Variants in BCKDHB observed in about 807,000 individuals in gnomAD.
BCKDHB encodes 2-oxoisovalerate dehydrogenase subunit beta, mitochondrial.
In BCKDHB, 41 loss-of-function variants were observed where a neutral mutation model predicts 48.5. That is an observed-to-expected ratio of 0.85 (90% confidence interval 0.66 to 1.10). BCKDHB has a LOEUF of 1.10. Ranked by LOEUF, BCKDHB falls within the 50% of genes least tolerant of loss-of-function variation. BCKDHB has a pLI of 0.00. For missense variants in BCKDHB, 496 were observed against 494.2 expected (o/e 1.00, Z -0.03); for synonymous variants, 201 against 174.8 (o/e 1.15, Z -1.18).
At chr6:80,260,372 A>G (rs1031116869) in intron 8 of BCKDHB, among the ~76,000 whole-genome samples, 6 of 152,164 alleles carry the variant, frequency 3.9e-5, no homozygotes, top group South Asian at 2.1e-4. Flanking sequence ...GATTTCTCCT[A>G]TGAGGGACTA....
chr6:80,373,466 A>G, the BCKDHB span, among the ~76,000 whole-genome samples: 1 of 151,912 alleles, frequency 6.6e-6, no homozygotes, highest in Non-Finnish European at 1.5e-5. Flanking sequence ...TAGTTCTTCT[A>G]GGCTCTTTGT....
At chr6:80,254,632 C>G (rs1336457118) in intron 8 of BCKDHB, among the ~76,000 whole-genome samples, 1 of 152,034 alleles carries the variant, frequency 6.6e-6, no homozygotes, top group Admixed American at 6.6e-5. Flanking sequence ...CCCAGGAGTT[C>G]GAGGTTACAA....
the BCKDHB span, among the ~76,000 whole-genome samples, chr6:80,466,221 A>G: frequency 6.6e-6 from 1 of 152,140 alleles, no homozygotes; most frequent in Non-Finnish European, 1.5e-5. Context: ...GGTATATTAT[A>G]TGTATACCCC....
chr6:80,153,528 G>A (rs951343882), intron 3 of BCKDHB, among the ~76,000 whole-genome samples: 4 of 152,094 alleles, frequency 2.6e-5, no homozygotes, highest in African/African-American at 9.7e-5. Flanking sequence ...ACCATGCAAC[G>A]TCCTCAGTAC....
At chr6:80,367,750 T>G in the BCKDHB span, among the ~76,000 whole-genome samples, 1 of 152,190 alleles carries the variant, frequency 6.6e-6, no homozygotes, top group Non-Finnish European at 1.5e-5. Flanking sequence ...TCATATTGAG[T>G]CTTGCTGAAC....
At chr6:80,163,967 G>T (rs940296280) in intron 3 of BCKDHB, among the ~76,000 whole-genome samples, 1 of 152,156 alleles carries the variant, frequency 6.6e-6, no homozygotes, top group Admixed American at 6.5e-5. Flanking sequence ...ATTATGCATT[G>T]TTATCTCTTA....
intron 2 of BCKDHB, among the ~76,000 whole-genome samples, chr6:80,128,570 C>T (rs1770461526): frequency 6.6e-6 from 1 of 152,080 alleles, no homozygotes; most frequent in African/African-American, 2.4e-5. Context: ...CAGTCTAAAT[C>T]CCTTTCCTAT....
At chr6:80,381,054 AG>A in the BCKDHB span, among the ~76,000 whole-genome samples, 2 of 152,028 alleles carry the variant, frequency 1.3e-5, no homozygotes, top group Non-Finnish European at 2.9e-5. Flanking sequence ...TATGTCTGGA[AG>A]GTAGGTATAT....
intron 9 of BCKDHB, among the ~76,000 whole-genome samples, chr6:80,325,071 A>T (rs1267524820): frequency 6.6e-6 from 1 of 152,180 alleles, no homozygotes; most frequent in African/African-American, 2.4e-5. Context: ...GTTTTGAATA[A>T]CATATAGAAA....
downstream of BCKDHB, among the ~76,000 whole-genome samples, chr6:80,348,204 C>A (rs1220484329): frequency 6.9e-6 from 1 of 145,530 alleles, no homozygotes; most frequent in Non-Finnish European, 1.5e-5. Context: ...ACTAAAAGTT[C>A]TGTGTATATT....
At chr6:80,187,202 T>C (rs1773682594) in intron 6 of BCKDHB, among the ~76,000 whole-genome samples, 1 of 152,178 alleles carries the variant, frequency 6.6e-6, no homozygotes, top group Admixed American at 6.5e-5. Context: ...AAAATTTTAG[T>C]AGTATAAAAT....
intron 9 of BCKDHB, among the ~76,000 whole-genome samples, chr6:80,277,256 A>G (rs1458430759): frequency 6.6e-6 from 1 of 152,068 alleles, no homozygotes; most frequent in Non-Finnish European, 1.5e-5. Context: ...ATATGAATGA[A>G]TTTTATTTGA....
At chr6:80,247,910 A>C (rs1357429811) in intron 8 of BCKDHB, among the ~76,000 whole-genome samples, 3 of 152,238 alleles carry the variant, frequency 2.0e-5, no homozygotes, top group Non-Finnish European at 2.9e-5. Flanking sequence ...CCATAGCTGA[A>C]GCTTAGTTAC....
the BCKDHB span, chr6:80,374,501 A>C: frequency 5.4e-6 from 4 of 743,336 alleles, no homozygotes; most frequent in East Asian, 1.0e-4. Flanking sequence ...TAAGGTGAAT[A>C]CAAAGATTGG....
At chr6:80,372,456 A>G in the BCKDHB span, among the ~76,000 whole-genome samples, 8 of 152,018 alleles carry the variant, frequency 5.3e-5, no homozygotes, top group Non-Finnish European at 1.0e-4. Context: ...TTCTTATCTG[A>G]TTGCTCTGGC....
chr6:80,363,789 TAA>T, the BCKDHB span, among the ~76,000 whole-genome samples: 1 of 152,200 alleles, frequency 6.6e-6, no homozygotes, highest in African/African-American at 2.4e-5. Flanking sequence ...CTTAACTCAC[TAA>T]AAGTCTGAGG....
At chr6:80,386,988 C>T in the BCKDHB span, among the ~76,000 whole-genome samples, 1 of 152,086 alleles carries the variant, frequency 6.6e-6, no homozygotes, top group African/African-American at 2.4e-5. Flanking sequence ...CCATCCCCCC[C>T]CAAGGAGACC....
intron 8 of BCKDHB, among the ~76,000 whole-genome samples, chr6:80,244,275 G>A (rs1456582189): frequency 1.3e-5 from 2 of 152,202 alleles, no homozygotes; most frequent in Non-Finnish European, 2.9e-5. Flanking sequence ...TGCGCATGTA[G>A]GTGGATGTCT....
intron 3 of BCKDHB, among the ~76,000 whole-genome samples, chr6:80,159,207 G>A (rs1024911448): frequency 1.3e-5 from 2 of 152,100 alleles, no homozygotes; most frequent in Admixed American, 1.3e-4. Flanking sequence ...GAGTTAATGG[G>A]TGCAGCACAC....
Sources: gnomAD v4.1 joint callset for allele counts (sites outside exome capture counted in the v4.1 genomes callset) on GRCh38, gnomAD v4.1.1 for gene constraint, MANE v1.5 for transcripts, NCBI Gene and HGNC (gene_info 2026-07-23, HGNC 2026-07-21) for gene names.